GARIN5A: variants seen among roughly 807,000 people sequenced by gnomAD.
The protein encoded by GARIN5A is golgi associated RAB2 interactor 5A, also known as Golgi-associated RAB2 interactor protein 5A.
At chr19:50,471,642 A>ATATACGCATACATGCACGTG in the GARIN5A span, among the ~76,000 whole-genome samples, 690 of 108,480 alleles carry the variant, frequency 6.4e-3, 34 homozygotes, top group African/African-American at 9.2e-3. Context: ...ACATGTGTGT[A>ATATACGCATACATGCACGTG]TATACGCATA....
chr19:50,472,107 CGTGTGTATATGTATATATACGT>C, the GARIN5A span, among the ~76,000 whole-genome samples: 1 of 124,626 alleles, frequency 8.0e-6, no homozygotes, highest in African/African-American at 3.5e-5. Context: ...TGTATATATA[CGTGTGTATATGTATATATACGT>C]GTGTATATGT....
At chr19:50,476,503 C>T in the GARIN5A span, 21 of 1,572,200 alleles carry the variant, frequency 1.3e-5, no homozygotes, top group Non-Finnish European at 1.8e-5. Context: ...CTCCGCGGCT[C>T]TTGGCTCACA....
the GARIN5A span, among the ~76,000 whole-genome samples, chr19:50,472,237 TG>T: frequency 4.2e-5 from 3 of 71,910 alleles, no homozygotes; most frequent in Non-Finnish European, 7.8e-5. Context: ...TACATGTATG[TG>T]TGTATTATAT....
the GARIN5A span, among the ~76,000 whole-genome samples, chr19:50,472,236 G>A: frequency 5.6e-5 from 4 of 71,232 alleles, no homozygotes; most frequent in Non-Finnish European, 7.9e-5. Flanking sequence ...ATACATGTAT[G>A]TGTGTATTAT....
chr19:50,471,394 G>A, the GARIN5A span, among the ~76,000 whole-genome samples: 1 of 151,686 alleles, frequency 6.6e-6, no homozygotes, highest in African/African-American at 2.4e-5. Flanking sequence ...TCAGCCTCCT[G>A]AGTAGCTGGG....
At chr19:50,475,091 C>G in the GARIN5A span, among the ~76,000 whole-genome samples, 1 of 152,202 alleles carries the variant, frequency 6.6e-6, no homozygotes, top group African/African-American at 2.4e-5. Flanking sequence ...TTCTCCTGAC[C>G]GCTGCTGGGG....
chr19:50,475,900 C>T, the GARIN5A span: 1 of 1,613,914 alleles, frequency 6.2e-7, no homozygotes, highest in Non-Finnish European at 8.5e-7. Context: ...CTGGAGGTAG[C>T]GTTGGAGCCG....
At chr19:50,473,381 G>A in the GARIN5A span, among the ~76,000 whole-genome samples, 2 of 151,140 alleles carry the variant, frequency 1.3e-5, no homozygotes, top group East Asian at 1.9e-4. Context: ...TTTAGAGAAC[G>A]GGTCTCACTT....
chr19:50,471,707 CGTGT>C, the GARIN5A span, among the ~76,000 whole-genome samples: 35 of 146,406 alleles, frequency 2.4e-4, 1 homozygote, highest in East Asian at 3.0e-3. Context: ...CATACATGCA[CGTGT>C]GTGTATACGC....
At chr19:50,471,636 G>A in the GARIN5A span, among the ~76,000 whole-genome samples, 3 of 151,820 alleles carry the variant, frequency 2.0e-5, no homozygotes, top group Non-Finnish European at 4.4e-5. Flanking sequence ...GTGTATACAT[G>A]TGTGTATATA....
At chr19:50,473,548 G>A in the GARIN5A span, among the ~76,000 whole-genome samples, 6 of 151,956 alleles carry the variant, frequency 3.9e-5, no homozygotes, top group Admixed American at 1.3e-4. Context: ...TTGTAGAGAT[G>A]GGGGTCTTGC....
chr19:50,467,711 G>C, the GARIN5A span: 1 of 1,598,870 alleles, frequency 6.3e-7, no homozygotes, highest in Non-Finnish European at 8.5e-7. Context: ...TCTCGGTCTC[G>C]GGTCTTGAGT....
chr19:50,476,065 C>T, the GARIN5A span: 2 of 1,607,694 alleles, frequency 1.2e-6, no homozygotes, highest in African/African-American at 1.3e-5. Flanking sequence ...CCCGAATTGC[C>T]GGCCCCATCC....
the GARIN5A span, chr19:50,467,981 T>A: frequency 1.2e-5 from 8 of 683,198 alleles, no homozygotes; most frequent in Non-Finnish European, 2.0e-5. Flanking sequence ...CATTCCCAAC[T>A]TTCTTCCAGC....
At chr19:50,472,408 C>T in the GARIN5A span, among the ~76,000 whole-genome samples, 2 of 151,892 alleles carry the variant, frequency 1.3e-5, no homozygotes, top group African/African-American at 4.8e-5. Flanking sequence ...GGAGGTGAGT[C>T]CTGAGGCCAA....
the GARIN5A span, among the ~76,000 whole-genome samples, chr19:50,472,030 GTACGTGTGTGTATATGTATATA>G: frequency 3.6e-5 from 5 of 138,830 alleles, no homozygotes; most frequent in South Asian, 2.1e-4. Context: ...ATATGTATAT[GTACGTGTGTGTATATGTATATA>G]TACGTGTGTG....
the GARIN5A span, chr19:50,467,810 C>G: frequency 6.2e-7 from 1 of 1,613,142 alleles, no homozygotes; most frequent in Non-Finnish European, 8.5e-7. Context: ...AAGAGCTGGA[C>G]GAACTTCAAG....
chr19:50,476,579 T>C, the GARIN5A span: 1 of 1,576,084 alleles, frequency 6.3e-7, no homozygotes. Flanking sequence ...ACCCGGCTGC[T>C]CCTGCTCTTG....
At chr19:50,475,126 G>C in the GARIN5A span, among the ~76,000 whole-genome samples, 4 of 152,194 alleles carry the variant, frequency 2.6e-5, no homozygotes, top group Non-Finnish European at 4.4e-5. Flanking sequence ...GTCCCCTTCA[G>C]GTCTGTCTAA....
Sources: gnomAD v4.1 joint callset for allele counts (sites outside exome capture counted in the v4.1 genomes callset) on GRCh38, gnomAD v4.1.1 for gene constraint, MANE v1.5 for transcripts, NCBI Gene and HGNC (gene_info 2026-07-23, HGNC 2026-07-21) for gene names.